Variants in SHISA9 observed in about 807,000 individuals in gnomAD.
SHISA9 encodes the protein shisa family member 9.
Under a neutral mutation model 38.0 loss-of-function variants are expected in SHISA9, and 13 were observed. The ratio of observed to expected loss-of-function variants is 0.34; its 90% CI spans 0.22 to 0.54. The LOEUF (loss-of-function observed/expected upper bound fraction) is 0.54, where lower values mean the gene tolerates loss of function less well. Among genes scored for constraint, SHISA9 ranks in the 20% least tolerant of loss-of-function variants. The pLI is 0.91. For synonymous variants in SHISA9, 275 were observed against 242.0 expected, an observed-to-expected ratio of 1.14 and a Z score of -1.27; for missense variants, 538 against 575.8, an observed-to-expected ratio of 0.93 and a Z score of 0.67.
chr16:13,398,310 C>T, the SHISA9 span, among the ~76,000 whole-genome samples: 1 of 152,158 alleles, frequency 6.6e-6, no homozygotes, highest in Non-Finnish European at 1.5e-5. Context: ...CTTCCCGGTC[C>T]CCCTTCTGTA....
chr16:13,105,028 TA>T (rs2073913076), intron 2 of SHISA9, among the ~76,000 whole-genome samples: 3 of 152,178 alleles, frequency 2.0e-5, no homozygotes, highest in African/African-American at 7.2e-5. Flanking sequence ...AGGGTTGTTG[TA>T]AAAATTGAAA....
intron 2 of SHISA9, among the ~76,000 whole-genome samples, chr16:13,091,960 T>C (rs1231608239): frequency 6.6e-6 from 1 of 152,224 alleles, no homozygotes; most frequent in Admixed American, 6.5e-5. Flanking sequence ...TGGTCTTTGA[T>C]GTTGGTGACC....
chr16:13,492,852 A>G, the SHISA9 span, among the ~76,000 whole-genome samples: 14 of 152,320 alleles, frequency 9.2e-5, no homozygotes, highest in South Asian at 1.0e-3. Flanking sequence ...ATATGAAGAA[A>G]GAGCATTGCA....
At chr16:13,545,092 C>G in the SHISA9 span, among the ~76,000 whole-genome samples, 3 of 152,274 alleles carry the variant, frequency 2.0e-5, no homozygotes, top group South Asian at 2.1e-4. Context: ...TGCCATGTGC[C>G]TTGCATGTAC....
the SHISA9 span, among the ~76,000 whole-genome samples, chr16:13,459,159 C>T: frequency 2.0e-5 from 3 of 151,990 alleles, no homozygotes; most frequent in African/African-American, 7.2e-5. Context: ...AGGCCAAATG[C>T]TTCTATAGAA....
At chr16:13,431,331 T>C in the SHISA9 span, among the ~76,000 whole-genome samples, 2 of 152,176 alleles carry the variant, frequency 1.3e-5, no homozygotes, top group Non-Finnish European at 2.9e-5. Flanking sequence ...ATGGGTCGAA[T>C]AGGGAAAAAA....
the SHISA9 span, among the ~76,000 whole-genome samples, chr16:13,409,346 C>A: frequency 6.6e-6 from 1 of 152,190 alleles, no homozygotes. Flanking sequence ...GCTTGGGGTA[C>A]AGAAAGCTAT....
intron 2 of SHISA9, among the ~76,000 whole-genome samples, chr16:13,201,772 A>T (rs1256249206): frequency 1.6e-5 from 2 of 127,114 alleles, no homozygotes; most frequent in East Asian, 4.1e-4. Context: ...GTTGCTGACC[A>T]CTTGAGGATG....
chr16:13,542,347 C>T, the SHISA9 span, among the ~76,000 whole-genome samples: 4 of 152,298 alleles, frequency 2.6e-5, no homozygotes, highest in Admixed American at 1.3e-4. Flanking sequence ...GATAAGGACT[C>T]ACCATGCACC....
At chr16:13,231,382 A>T (rs560010280) in intron 4 of SHISA9, among the ~76,000 whole-genome samples, 82 of 152,324 alleles carry the variant, frequency 5.4e-4, no homozygotes, top group African/African-American at 1.9e-3. Flanking sequence ...GTATTCTTCT[A>T]TTGAAGTTTC....
chr16:13,248,887 CAG>C, the SHISA9 span, among the ~76,000 whole-genome samples: 1 of 152,156 alleles, frequency 6.6e-6, no homozygotes, highest in Non-Finnish European at 1.5e-5. Flanking sequence ...GGCAACGCCA[CAG>C]AGAGGGTAGA....
the SHISA9 span, among the ~76,000 whole-genome samples, chr16:13,437,666 C>T: frequency 1.3e-4 from 20 of 152,178 alleles, no homozygotes; most frequent in South Asian, 4.2e-3. Flanking sequence ...CTGTGAACTC[C>T]CCCACTGAAT....
the SHISA9 span, among the ~76,000 whole-genome samples, chr16:13,469,417 G>A: frequency 8.9e-6 from 1 of 112,180 alleles, no homozygotes; most frequent in African/African-American, 3.3e-5. Context: ...AAGAAAGAAA[G>A]AAAGAAAAAG....
At chr16:13,037,157 C>CTG (rs2073084317) in intron 2 of SHISA9, among the ~76,000 whole-genome samples, 1 of 145,706 alleles carries the variant, frequency 6.9e-6, no homozygotes, top group Admixed American at 6.8e-5. Context: ...CACACACACA[C>CTG]TGTTGGTCCC....
At chr16:13,228,617 A>G (rs572010676) in intron 4 of SHISA9, among the ~76,000 whole-genome samples, 31 of 152,160 alleles carry the variant, frequency 2.0e-4, no homozygotes, top group Non-Finnish European at 3.4e-4. Flanking sequence ...TCAGTGAAAG[A>G]TTACTGGGAG....
intron 2 of SHISA9, among the ~76,000 whole-genome samples, chr16:13,014,181 A>G (rs748346965): frequency 6.6e-5 from 10 of 152,198 alleles, no homozygotes; most frequent in Non-Finnish European, 1.0e-4. Context: ...AGTTAGAGCA[A>G]TGTGCCCAAG....
the SHISA9 span, among the ~76,000 whole-genome samples, chr16:13,509,021 A>G: frequency 6.6e-6 from 1 of 152,316 alleles, no homozygotes; most frequent in South Asian, 2.1e-4. Context: ...GATTTCTCAT[A>G]TGATTTCCAG....
intron 2 of SHISA9, among the ~76,000 whole-genome samples, chr16:13,164,430 G>A (rs2050619742): frequency 6.6e-6 from 1 of 151,958 alleles, no homozygotes; most frequent in South Asian, 2.1e-4. Flanking sequence ...GATGGACATT[G>A]GTCTGTAGTT....
chr16:12,909,147 A>G, intron 1 of SHISA9: 1 of 985,828 alleles, frequency 1.0e-6, no homozygotes, highest in Non-Finnish European at 1.2e-6. Context: ...GAAAAGTCTT[A>G]ATTTATTTTT....
Sources: gnomAD v4.1 joint callset for allele counts (sites outside exome capture counted in the v4.1 genomes callset) on GRCh38, gnomAD v4.1.1 for gene constraint, MANE v1.5 for transcripts, NCBI Gene and HGNC (gene_info 2026-07-23, HGNC 2026-07-21) for gene names.